Variants in PRKN observed in about 807,000 individuals in gnomAD.
The protein encoded by PRKN is parkin RBR E3 ubiquitin protein ligase.
PRKN carries 56 observed loss-of-function variants against 59.5 expected under a neutral mutation model. The observed-to-expected ratio is 0.94, with a 90% CI of 0.76 to 1.18. The LOEUF (loss-of-function observed/expected upper bound fraction) is 1.18, where lower values mean the gene tolerates loss of function less well. PRKN is among the 50% of genes most tolerant of loss of function. The pLI is 0.00. For synonymous variants in PRKN, 250 were observed against 222.1 expected (o/e 1.13, Z -1.12); for missense variants, 657 against 596.4 (o/e 1.10, Z -1.06).
chr6:162,392,994 C>T (rs1400598016), intron 2 of PRKN, among the ~76,000 whole-genome samples: 1 of 151,878 alleles, frequency 6.6e-6, no homozygotes, highest in East Asian at 1.9e-4. Flanking sequence ...GGCCACCATG[C>T]AGCAATTCCA....
At chr6:162,155,015 G>A (rs1782445136) in intron 4 of PRKN, among the ~76,000 whole-genome samples, 1 of 149,390 alleles carries the variant, frequency 6.7e-6, no homozygotes. Context: ...AAAGGACTCT[G>A]AAGATAATTT....
intron 1 of PRKN, among the ~76,000 whole-genome samples, chr6:162,514,947 G>A (rs182991294): frequency 2.9e-4 from 44 of 152,004 alleles, no homozygotes; most frequent in Non-Finnish European, 6.0e-4. Context: ...TTAGATTGAT[G>A]TTTAAAATTG....
rs917244394 is a variant in PRKN, at chr6:161,562,308, G to A, written c.933+7047C>T. ...TTGCCATTCCTCCTCCGGAAGGCCC[G>A]CCTACTTGCCTTCTCAGCTTCCTCA... is the stretch of plus-strand genomic sequence containing the variant. On this transcript the variant is annotated intron_variant, in intron 8 of 11. Coordinates refer to ENST00000366898, the MANE Select transcript of PRKN (RefSeq NM_004562.3). The surrounding 1 kb of genome is among the most constrained non-coding windows in gnomAD (Gnocchi z 4.3). Among the ~76,000 whole-genome samples the A allele has an allele frequency of 6.6e-6, 1 of 152,084 alleles. No homozygotes were observed.
chr6:162,122,127 TA>T (rs1780940075), intron 4 of PRKN, among the ~76,000 whole-genome samples: 1 of 152,166 alleles, frequency 6.6e-6, no homozygotes, highest in Non-Finnish European at 1.5e-5. Flanking sequence ...AGGCTGTCAG[TA>T]ATCGGGCCAA....
chr6:162,636,012 A>C (rs1248275791), intron 1 of PRKN, among the ~76,000 whole-genome samples: 1 of 152,202 alleles, frequency 6.6e-6, no homozygotes, highest in Non-Finnish European at 1.5e-5. Flanking sequence ...CCTTGGGTTA[A>C]GGAATTCTGT....
chr6:161,686,075 CAAAA>C (rs34114820), intron 7 of PRKN, among the ~76,000 whole-genome samples: 57 of 128,658 alleles, frequency 4.4e-4, no homozygotes, highest in African/African-American at 8.9e-4. Flanking sequence ...TAGAAAACAG[CAAAA>C]AAAAAAAAAA....
intron 9 of PRKN, among the ~76,000 whole-genome samples, chr6:161,469,502 G>A (rs935149274): frequency 2.0e-5 from 3 of 151,132 alleles, no homozygotes; most frequent in Admixed American, 1.3e-4. Context: ...TCTTGAGGTG[G>A]GGAGATAATT....
chr6:162,429,652 G>A (rs774268939), intron 2 of PRKN, among the ~76,000 whole-genome samples: 4 of 151,968 alleles, frequency 2.6e-5, no homozygotes, highest in African/African-American at 7.2e-5. Context: ...TCACACCCAC[G>A]ACACAAACTG....
intron 1 of PRKN, among the ~76,000 whole-genome samples, chr6:162,542,060 A>G (rs918666092): frequency 6.6e-6 from 1 of 152,158 alleles, no homozygotes; most frequent in Non-Finnish European, 1.5e-5. Context: ...CAGAAGTGAT[A>G]TTACAGATAC....
At chr6:162,408,803 C>T (rs910716805) in intron 2 of PRKN, among the ~76,000 whole-genome samples, 17 of 152,170 alleles carry the variant, frequency 1.1e-4, no homozygotes, top group African/African-American at 3.4e-4. Flanking sequence ...GACACAATCA[C>T]ATATTCTTAC....
At chr6:161,973,042 T>A (rs1006121357) in intron 6 of PRKN, among the ~76,000 whole-genome samples, 2 of 152,250 alleles carry the variant, frequency 1.3e-5, no homozygotes, top group Admixed American at 1.3e-4. Context: ...CTATTTTAGA[T>A]ATGCCATCTC....
chr6:162,560,853 C>CAAA lies in PRKN; in HGVS notation c.8-117383_8-117381dup, dbSNP rs60391138. ...CAATTAAAGCCCAGAGAGAGAGAGG[C>CAAA]AAAAAAAAAAAAAACCCAGGTCATT... On this transcript the variant is annotated intron_variant, in intron 1 of 11. Transcript: ENST00000366898. 6.0e-4 allele frequency among the ~76,000 whole-genome samples: 34 copies of CAAA among 56,516 alleles called. 5 individuals are homozygous for CAAA. Among genetic ancestry groups the CAAA allele is most frequent in the East Asian group, 3.0e-3 (8 of 2,668 alleles). 37.1% of individuals were successfully genotyped at this position (56,516 alleles called of 152,430 possible). A position where few individuals can be genotyped will look rare whatever the true frequency, so the allele number is the denominator to read the frequency against.
At chr6:161,928,467 A>G (rs1349909597) in intron 6 of PRKN, among the ~76,000 whole-genome samples, 2 of 152,212 alleles carry the variant, frequency 1.3e-5, no homozygotes, top group Non-Finnish European at 2.9e-5. Flanking sequence ...TCTTAGCTTC[A>G]TAAAGTCCTT....
chr6:162,588,633 C>T (rs530782248), intron 1 of PRKN, among the ~76,000 whole-genome samples: 1 of 152,170 alleles, frequency 6.6e-6, no homozygotes, highest in East Asian at 1.9e-4. Context: ...CTCACTGCAA[C>T]CTCCACCTCC....
Position 162,414,726 on chromosome 6 carries a change from A to AAAAAAAAAAAAAAT in PRKN, c.171+28583_171+28584insATTTTTTTTTTTTT, listed in dbSNP as rs34838356. Among the ~76,000 whole-genome samples, 50 of 91,862 alleles carry AAAAAAAAAAAAAAT rather than the reference A, an allele frequency of 5.4e-4. 6 individuals carry two copies. The highest frequency in any genetic ancestry group is 1.4e-3 in the South Asian group (4 of 2,948). The allele number at this position is 91,862 out of a possible 152,430, so 60.3% of individuals were successfully genotyped here. ...ACTCCGTCTCAAAAAAAAAAAAAAAAAGTGAATCTTTGAAGTTTTAAAATA... is the reference window on the plus strand; with the variant it reads ...ACTCCGTCTCAAAAAAAAAAAAAAAAAAAAAAAAAAAAATAGTGAATCTTTGAAGTTTTAAAATA... On this transcript the variant is annotated intron_variant, in intron 2 of 11. Transcript: ENST00000366898.
chr6:161,806,144 T>C (rs1400519798), intron 6 of PRKN, among the ~76,000 whole-genome samples: 1 of 152,154 alleles, frequency 6.6e-6, no homozygotes, highest in Non-Finnish European at 1.5e-5. Context: ...TCAACGTGAT[T>C]GGTCGTCCAA....
rs1779844237 is a variant in PRKN at position 161,547,684 on chromosome 6, G to A, written c.1083+1170C>T. Among the ~76,000 whole-genome samples, 1 of 152,216 alleles carries A rather than the reference G, an allele frequency of 6.6e-6. No homozygotes were observed. Among genetic ancestry groups the A allele is most frequent in the South Asian group, 2.1e-4 (1 of 4,832 alleles). On this transcript the variant is annotated intron_variant, in intron 9 of 11. Coordinates refer to ENST00000366898, the MANE Select transcript of PRKN (RefSeq NM_004562.3). The surrounding 1 kb of genome is among the most constrained non-coding windows in gnomAD (Gnocchi z 4.0). ...TTCTGATCCCAGAGGTTGGCAACCTGCTGAGGCCACACACAATCATTGCAG... is the reference window on the plus strand; with the variant it reads ...TTCTGATCCCAGAGGTTGGCAACCTACTGAGGCCACACACAATCATTGCAG...
chr6:161,639,017 C>T (rs1263435355), intron 7 of PRKN, among the ~76,000 whole-genome samples: 1 of 152,154 alleles, frequency 6.6e-6, no homozygotes, highest in Non-Finnish European at 1.5e-5. Context: ...GCTGGGATTA[C>T]AGGCGTGAAC....
Position 161,440,117 on chromosome 6 carries a change from AT to A in PRKN, c.1084-53241del, listed in dbSNP as rs1027165574. On this transcript the variant is annotated intron_variant, in intron 9 of 11. Coordinates refer to ENST00000366898, the MANE Select transcript of PRKN (RefSeq NM_004562.3). The surrounding 1 kb of genome is among the most constrained non-coding windows in gnomAD (Gnocchi z 4.1). ...AGGCGCCCACCACCACGCCCGGCTA[AT>A]TTTTTTTGGTATTTTTAGTAGAGAC... Among the ~76,000 whole-genome samples the A allele has an allele frequency of 6.6e-6, 1 of 151,310 alleles. No individual in the cohort carries two copies.
Sources: allele counts gnomAD v4.1 joint callset (sites outside exome capture counted in the v4.1 genomes callset), GRCh38; gene constraint gnomAD v4.1.1; non-coding constraint Gnocchi (gnomAD v3.1); transcripts MANE v1.5; gene names NCBI Gene and HGNC (gene_info 2026-07-23, HGNC 2026-07-21).